SCML2: variants seen among roughly 807,000 people sequenced by gnomAD.
SCML2 encodes sex comb on midleg-like protein 2.
SCML2 carries 6 observed loss-of-function variants against 48.4 expected under a neutral mutation model. That is an observed-to-expected ratio of 0.12 (90% CI 0.07 to 0.24). The LOEUF (loss-of-function observed/expected upper bound fraction) is 0.24, where lower values mean the gene tolerates loss of function less well. Among genes scored for constraint, SCML2 ranks in the 10% least tolerant of loss-of-function variants. The pLI, the probability that SCML2 is intolerant of heterozygous loss-of-function variation, is 1.00. For synonymous variants in SCML2, 181 were observed against 189.5 expected (o/e 0.95, Z 0.37); for missense variants, 377 against 528.2 (o/e 0.71, Z 2.81).
chrX:18,257,925 G>A (rs1274119135), intron 10 of SCML2, 119 bp downstream of exon 10: 4 of 434,767 alleles, frequency 9.2e-6, no homozygotes, highest in South Asian at 3.3e-5. Flanking sequence ...GGCGGGGGAG[G>A]GGGAAGGGGA....
chrX:18,268,529 C>CA (rs200323875), intron 7 of SCML2, among the ~76,000 whole-genome samples: 2,713 of 77,229 alleles, frequency 0.035, 83 homozygotes, highest in East Asian at 0.19. Flanking sequence ...AACTTCATCT[C>CA]AAAAAAAAAA....
intron 2 of SCML2, 139 bp from the exon 3 acceptor site, chrX:18,330,794 T>G: frequency 2.6e-6 from 1 of 380,750 alleles, no homozygotes; most frequent in East Asian, 4.3e-5. Context: ...GACTTACCAT[T>G]TTCTAATGTA....
At chrX:18,283,901 T>C (rs1253569547) in intron 7 of SCML2, among the ~76,000 whole-genome samples, 1 of 112,246 alleles carries the variant, frequency 8.9e-6, no homozygotes, top group Non-Finnish European at 1.9e-5. Context: ...TAACAAACTA[T>C]TAGTGTCATT....
upstream of SCML2, chrX:18,354,801 G>A (rs1602162086): frequency 7.0e-6 from 1 of 142,048 alleles, no homozygotes; most frequent in South Asian, 2.8e-4. Flanking sequence ...CCGCGTGCGG[G>A]GCCCGAGCCG....
At chrX:18,332,943 C>T (rs948900360) in intron 2 of SCML2, among the ~76,000 whole-genome samples, 1 of 110,464 alleles carries the variant, frequency 9.1e-6, no homozygotes, top group African/African-American at 3.3e-5. Context: ...TACGCCACTG[C>T]ACTCTAGTCT....
At position 18,309,909 on chromosome X, in the gene SCML2, C is replaced by A. The variant is rs764933025; in HGVS notation, c.487-4694G>T. Among the ~76,000 whole-genome samples the A allele has an allele frequency of 7.2e-5, 8 of 111,308 alleles. No homozygotes were observed. In the South Asian group the frequency reaches 3.1e-3, roughly 43 times the overall value. On this transcript the variant is annotated intron_variant, in intron 6 of 14. Transcript: ENST00000251900. ...TCCGTATTACAAACCTGCACACGTA[C>A]CCCATGTACCTAAAATAAAAGTTGG...
Position 18,253,336 on chromosome X carries a change from G to A in SCML2, c.1456+3512C>T, listed in dbSNP as rs1455118032. 4.5e-5 allele frequency among the ~76,000 whole-genome samples: 5 copies of A among 111,637 alleles called. No homozygotes were observed. In the East Asian group the frequency reaches 1.1e-3, roughly 25 times the overall value. ...TTTAAGGTAGAAATCTGGAGCTTCTGCAGATCTTTTATATACAATGTCCCA... is the reference window on the plus strand; with the variant it reads ...TTTAAGGTAGAAATCTGGAGCTTCTACAGATCTTTTATATACAATGTCCCA... On this transcript the variant is annotated intron_variant, in intron 11 of 14. Coordinates refer to ENST00000251900, the MANE Select transcript of SCML2 (RefSeq NM_006089.3).
At chrX:18,338,115 A>C (rs749953426) in intron 1 of SCML2, among the ~76,000 whole-genome samples, 4 of 112,190 alleles carry the variant, frequency 3.6e-5, no homozygotes, top group Non-Finnish European at 7.5e-5. Flanking sequence ...AGCAGTACTT[A>C]GAAGGAAATT....
Position 18,241,099 on chromosome X carries a change from GT to G in SCML2, c.*151del. On this transcript the variant is annotated 3_prime_UTR_variant, in exon 15 of 15. Transcript: ENST00000251900. ...TTGGTGACTCCAGGAAAAAAACAAA[GT>G]TGACTGAACTGTTACTACAGTTCTG... 1 of 442,196 alleles carries G rather than the reference GT, an allele frequency of 2.3e-6. No individual in the cohort carries two copies. Among genetic ancestry groups the G allele is most frequent in the Non-Finnish European group, 3.3e-6 (1 of 298,948 alleles). 36.4% of individuals were successfully genotyped at this position (442,196 alleles called of 1,213,427 possible).
intron 1 of SCML2, among the ~76,000 whole-genome samples, chrX:18,352,251 T>C (rs933339595): frequency 3.6e-5 from 4 of 112,422 alleles, no homozygotes; most frequent in South Asian, 3.7e-4. Flanking sequence ...TACTTAGTAA[T>C]AGAAATTGCT....
At chrX:18,350,039 G>A (rs1270923094) in intron 1 of SCML2, among the ~76,000 whole-genome samples, 1 of 111,966 alleles carries the variant, frequency 8.9e-6, no homozygotes, top group African/African-American at 3.2e-5. Flanking sequence ...AAGGCAGGAG[G>A]ATCACTTGAG....
At chrX:18,319,917 GCAAC>G (rs746243107) in intron 6 of SCML2, among the ~76,000 whole-genome samples, 7 of 111,502 alleles carry the variant, frequency 6.3e-5, no homozygotes, top group Non-Finnish European at 1.1e-4. Context: ...CAGCAAGAAA[GCAAC>G]CATCTGGAAG....
At chrX:18,321,459 A>G (rs1251672407) in intron 5 of SCML2, among the ~76,000 whole-genome samples, 1 of 110,478 alleles carries the variant, frequency 9.1e-6, no homozygotes, top group East Asian at 2.8e-4. Context: ...AGGGAGGCAC[A>G]TGAATCATTG....
At chrX:18,242,138 C>T (rs1161950840) in intron 14 of SCML2, among the ~76,000 whole-genome samples, 1 of 111,434 alleles carries the variant, frequency 9.0e-6, no homozygotes, top group African/African-American at 3.3e-5. Context: ...GGGAGCAGGT[C>T]GGGGAGGATC....
At chrX:18,337,326 A>C (rs1164771851) in intron 1 of SCML2, among the ~76,000 whole-genome samples, 4 of 103,472 alleles carry the variant, frequency 3.9e-5, no homozygotes, top group Admixed American at 1.1e-4. Flanking sequence ...AAAAAAAAAA[A>C]AAAAAAACAA....
intron 1 of SCML2, among the ~76,000 whole-genome samples, chrX:18,344,900 A>T (rs750781212): frequency 1.5e-3 from 168 of 111,490 alleles, no homozygotes; most frequent in African/African-American, 5.3e-3. Context: ...AGATTCAATG[A>T]TAATGGTGTT....
chrX:18,349,045 T>C (rs1930289739), intron 1 of SCML2, among the ~76,000 whole-genome samples: 1 of 112,363 alleles, frequency 8.9e-6, no homozygotes, highest in Non-Finnish European at 1.9e-5. Flanking sequence ...TTAATCTTTA[T>C]GAGAAACAGA....
rs185111893 is a variant in SCML2, at chrX:18,326,570, C to T, written c.92-1593G>A. Among the ~76,000 whole-genome samples the T allele has an allele frequency of 3.0e-3, 322 of 109,034 alleles. 2 individuals carry two copies. The highest frequency in any genetic ancestry group is 0.01 in the African/African-American group (303 of 29,892). 94.7% of individuals were successfully genotyped at this position (109,034 alleles called of 115,157 possible). ...GGTGGGCACCTGTAATTCCCAACTACTTGGGAGGCTGAGGCAGCAGAATTG... is the reference window on the plus strand; with the variant it reads ...GGTGGGCACCTGTAATTCCCAACTATTTGGGAGGCTGAGGCAGCAGAATTG... On this transcript the variant is annotated intron_variant, in intron 3 of 14. Transcript: ENST00000251900.
chrX:18,269,929 T>A (rs1927390705), intron 7 of SCML2, among the ~76,000 whole-genome samples: 1 of 111,153 alleles, frequency 9.0e-6, no homozygotes, highest in Non-Finnish European at 1.9e-5. Context: ...TTTCAAATAG[T>A]CCCCTAAAGT....
Sources: gnomAD v4.1 joint callset for allele counts (sites outside exome capture counted in the v4.1 genomes callset) on GRCh38, gnomAD v4.1.1 for gene constraint, MANE v1.5 for transcripts, NCBI Gene and HGNC (gene_info 2026-07-23, HGNC 2026-07-21) for gene names.